CHRNA2: variants seen among roughly 807,000 people sequenced by gnomAD.
The protein encoded by CHRNA2 is cholinergic receptor nicotinic alpha 2 subunit.
A neutral mutation model predicts 45.5 loss-of-function variants in CHRNA2; 40 were observed. The ratio of observed to expected loss-of-function variants is 0.88; its 90% CI spans 0.68 to 1.15. CHRNA2 has a LOEUF of 1.15. CHRNA2 is among the 50% of genes most tolerant of loss of function. The pLI, the probability that CHRNA2 is intolerant of heterozygous loss-of-function variation, is 0.00. For missense variants in CHRNA2, 655 were observed against 701.7 expected, an observed-to-expected ratio of 0.93 and a Z score of 0.75; for synonymous variants, 301 against 296.7, an observed-to-expected ratio of 1.01 and a Z score of -0.15.
intron 4 of CHRNA2, among the ~76,000 whole-genome samples, chr8:27,468,728 C>T (rs187861843): frequency 5.8e-4 from 88 of 152,330 alleles, no homozygotes; most frequent in Admixed American, 1.8e-3. Flanking sequence ...CTGTCTCAGA[C>T]CCTCCAGACC....
chr8:27,461,505 A>G lies in CHRNA2; in HGVS notation c.*124T>C. On this transcript the variant is annotated 3_prime_UTR_variant, in exon 7 of 7. Transcript: ENST00000407991. Reference sequence around the variant, plus strand: ...GATGGAAGCCTGCAATCCCTGGGTCAGTGTCCAGACTCCGCGGAGAGGCAC... The same window carrying G: ...GATGGAAGCCTGCAATCCCTGGGTCGGTGTCCAGACTCCGCGGAGAGGCAC... 7.5e-7 allele frequency: 1 copy of G among 1,330,458 alleles called. No individual in the cohort carries two copies. The highest frequency in any genetic ancestry group is 1.1e-6 in the Non-Finnish European group (1 of 948,668). The allele number at this position is 1,330,458 out of a possible 1,614,324, so 82.4% of individuals were successfully genotyped here. A position where few individuals can be genotyped will look rare whatever the true frequency, so the allele number is the denominator to read the frequency against.
At position 27,463,472 on chromosome 8, in the gene CHRNA2, A is replaced by T. The variant is rs1391683489; in HGVS notation, c.971T>A (p.Val324Asp). The change falls in exon 6 of 7, where the codon GTC becomes GAC. Residue 324 changes from valine to aspartate, a missense_variant. By Grantham distance (152) the Val-to-Asp change is radical (BLOSUM62 -3). This residue lies in a region of CHRNA2 where 295 missense variants were observed against 280.4 expected (regional missense o/e 1.05). Transcript: ENST00000407991. The surrounding 1 kb of genome is among the most constrained non-coding windows in gnomAD (Gnocchi z 6.1). ...ITEIIPSTSL[V>D]IPLIGEYLLF... The stretch of plus-strand genomic sequence containing the variant: ...CAGGTACTCGCCGATGAGCGGGATG[A>T]CCAGCGAGGTGGACGGGATGATCTC... The T allele has an allele frequency of 1.1e-5, 17 of 1,614,076 alleles. No homozygotes were observed. Among genetic ancestry groups the T allele is most frequent in the Non-Finnish European group, 1.4e-5 (17 of 1,180,048 alleles).
rs745346653 is a variant in CHRNA2, at chr8:27,463,301, T to C, written c.1142A>G (p.Asn381Ser). 1 of 1,610,316 alleles carries C rather than the reference T, an allele frequency of 6.2e-7. No individual in the cohort carries two copies. The change falls in exon 6 of 7, where the codon AAC (asparagine) becomes AGC (serine). Residue 381 changes from asparagine to serine, a missense_variant. By Grantham distance (46) the Asn-to-Ser change is conservative. Around this residue, in one of 3 missense-constraint regions of CHRNA2, gnomAD observed 295 missense variants for 280.4 expected, o/e 1.05. Transcript: ENST00000407991. This position sits in a 1 kb window ranked among gnomAD's most constrained non-coding sequence, Gnocchi z 6.1. ...LGCVPRWLLMNRPPPPVELCH... is the reference protein window; with the variant it reads ...LGCVPRWLLMSRPPPPVELCH... Reference sequence around the variant, plus strand: ...GAGCTCCACGGGTGGTGGGGGCCGGTTCATCAGAAGCCACCGGGGCACACA... The same window carrying C: ...GAGCTCCACGGGTGGTGGGGGCCGGCTCATCAGAAGCCACCGGGGCACACA...
At chr8:27,462,693 G>A (rs972518429) in intron 6 of CHRNA2, among the ~76,000 whole-genome samples, 2 of 152,242 alleles carry the variant, frequency 1.3e-5, no homozygotes, top group African/African-American at 4.8e-5. Flanking sequence ...GAGGCACGGG[G>A]TTCAGCATCT....
rs769608818 is a variant in CHRNA2, at chr8:27,463,453, C to T, written c.990G>A (p.Glu330=). The change falls in exon 6 of 7, where the codon GAG becomes GAA. Residue 330 remains glutamate (E), a synonymous_variant. Transcript: ENST00000407991. This position sits in a 1 kb window ranked among gnomAD's most constrained non-coding sequence, Gnocchi z 6.1. ...STSLVIPLIG[E]YLLFTMIFVT... The stretch of plus-strand genomic sequence containing the variant: ...CGAAGATCATGGTGAACAGCAGGTA[C>T]TCGCCGATGAGCGGGATGACCAGCG... 7.4e-6 allele frequency: 12 copies of T among 1,614,076 alleles called. No individual in the cohort carries two copies. The African/African-American group carries it at 8.0e-5, about 11-fold the overall frequency.
At chr8:27,468,624 C>T (rs1464193426) in intron 4 of CHRNA2, among the ~76,000 whole-genome samples, 1 of 152,170 alleles carries the variant, frequency 6.6e-6, no homozygotes, top group South Asian at 2.1e-4. Flanking sequence ...CTGAAGGGGG[C>T]GAAGGGCCCA....
chr8:27,467,178 C>T, intron 5 of CHRNA2, 51 bp downstream of exon 5: 1 of 1,434,134 alleles, frequency 7.0e-7, no homozygotes, highest in Non-Finnish European at 9.8e-7. Flanking sequence ...TGGACCCGGC[C>T]CCTGCAAGTT....
chr8:27,474,488 G>A (rs1222766357), intron 1 of CHRNA2, among the ~76,000 whole-genome samples: 2 of 152,110 alleles, frequency 1.3e-5, no homozygotes, highest in Non-Finnish European at 2.9e-5. Flanking sequence ...AGAGGTTCCC[G>A]GTTCCTTCCT....
In CHRNA2 at chr8:27,462,993, C is replaced by A. The variant is rs751862621; in HGVS notation, c.1450G>T (p.Asp484Tyr). 1 of 1,614,080 alleles carries A rather than the reference C, an allele frequency of 6.2e-7. No individual in the cohort carries two copies. The highest frequency in any genetic ancestry group is 1.1e-5 in the South Asian group (1 of 91,090). The change falls in exon 6 of 7, where the codon GAT becomes TAT. Residue 484 changes from aspartate to tyrosine, a missense_variant. Around this residue, in one of 3 missense-constraint regions of CHRNA2, gnomAD observed 295 missense variants for 280.4 expected, o/e 1.05. Transcript: ENST00000407991. ...CCCCAACGCACCGAAGAGTCAGCAT[C>A]CTCAGACCGCAGGTGGTCGGCAATG... ...HYIADHLRSEDADSSVKEDWK... is the reference protein window; with the variant it reads ...HYIADHLRSEYADSSVKEDWK...
chr8:27,462,936 G>T, intron 6 of CHRNA2, 43 bp downstream of exon 6: 1 of 1,613,016 alleles, frequency 6.2e-7, no homozygotes, highest in Non-Finnish European at 8.5e-7. Context: ...CCGCTAAGTT[G>T]GTGGGGCCAC....
In CHRNA2 at chr8:27,464,756, G is replaced by C. The variant is rs1277949084; in HGVS notation, c.450-763C>G. On this transcript the variant is annotated intron_variant, in intron 5 of 6. Transcript: ENST00000407991. Reference sequence around the variant, plus strand: ...GAAGAGACCTAACACCTTTGCGGGTGAAGATACTACCTTGAATGTATCCAT... The same window carrying C: ...GAAGAGACCTAACACCTTTGCGGGTCAAGATACTACCTTGAATGTATCCAT... Among the ~76,000 whole-genome samples the C allele has an allele frequency of 2.6e-5, 4 of 152,334 alleles. No individual in the cohort carries two copies. In the East Asian group the frequency reaches 7.7e-4, roughly 29 times the overall value.
chr8:27,473,185 G>A (rs551545603), intron 1 of CHRNA2, among the ~76,000 whole-genome samples: 11 of 151,978 alleles, frequency 7.2e-5, no homozygotes, highest in Admixed American at 3.3e-4. Flanking sequence ...CTCATGTTCC[G>A]GGACACATCG....
At chr8:27,467,502 C>T (rs1812736723) in intron 4 of CHRNA2, 164 bp from the exon 5 acceptor site, 6 of 610,880 alleles carry the variant, frequency 9.8e-6, no homozygotes, top group African/African-American at 1.8e-5. Context: ...GTGCTGGGAA[C>T]GGGCTCTGAG....
At chr8:27,475,973 ACCCAGGG>A (rs1222792143) in intron 1 of CHRNA2, among the ~76,000 whole-genome samples, 1 of 152,172 alleles carries the variant, frequency 6.6e-6, no homozygotes, top group Non-Finnish European at 1.5e-5. Flanking sequence ...TGCAAAAGGT[ACCCAGGG>A]CAGGAGGAGG....
chr8:27,462,708 T>G (rs2132649170), intron 6 of CHRNA2, among the ~76,000 whole-genome samples: 1 of 152,260 alleles, frequency 6.6e-6, no homozygotes, highest in South Asian at 2.1e-4. Flanking sequence ...GCATCTGGGA[T>G]CCTCCCTCTC....
chr8:27,463,356 G>A lies in CHRNA2; in HGVS notation c.1087C>T (p.Pro363Ser). ...HHRSPSTHTMPHWVRGALLGC... is the reference protein window; with the variant it reads ...HHRSPSTHTMSHWVRGALLGC... The stretch of plus-strand genomic sequence containing the variant: ...AGAAGGGCCCCCCGCACCCAGTGGG[G>A]CATGGTGTGGGTGCTGGGGGAGCGG... The change falls in exon 6 of 7, where the codon CCC (proline) becomes TCC (serine). Residue 363 changes from proline to serine, a missense_variant. Physicochemically the swap from Pro to Ser is moderately conservative, Grantham distance 74 (BLOSUM62 -1). Transcript: ENST00000407991. The surrounding 1 kb of genome is among the most constrained non-coding windows in gnomAD (Gnocchi z 6.1). 6.2e-7 allele frequency: 1 copy of A among 1,614,042 alleles called. No homozygotes were observed. Among genetic ancestry groups the A allele is most frequent in the Non-Finnish European group, 8.5e-7 (1 of 1,180,036 alleles).
chr8:27,461,688 C>T lies in CHRNA2; in HGVS notation c.1531G>A (p.Val511Ile), dbSNP rs796052306. The T allele has an allele frequency of 7.4e-6, 12 of 1,614,218 alleles. No individual in the cohort carries two copies. Among genetic ancestry groups the T allele is most frequent in the East Asian group, 4.5e-5 (2 of 44,886 alleles). ...AGGCCGATGGTCCCCAGGAAGCAGACGATGATAAACAGCCAGAGGAAGATC... is the reference window on the plus strand; with the variant it reads ...AGGCCGATGGTCCCCAGGAAGCAGATGATGATAAACAGCCAGAGGAAGATC... ...DRIFLWLFII[V>I]CFLGTIGLFL... The change falls in exon 7 of 7, where the codon GTC becomes ATC. Residue 511 changes from valine to isoleucine, a missense_variant. By Grantham distance (29) the Val-to-Ile change is conservative (BLOSUM62 3). Transcript: ENST00000407991.
chr8:27,474,056 G>A (rs2132677344), intron 1 of CHRNA2, among the ~76,000 whole-genome samples: 1 of 152,304 alleles, frequency 6.6e-6, no homozygotes, highest in Admixed American at 6.5e-5. Context: ...TGGGAGGAGT[G>A]ACGGGAGCAA....
At position 27,473,986 on chromosome 8, in the gene CHRNA2, A is replaced by C. The variant is rs1440832869; in HGVS notation, c.-136-2792T>G. ...CCACTGGCTGGTGATGATCTGTGAA[A>C]GGTCACTCAATCCCCCTGGGATTTT... On this transcript the variant is annotated intron_variant, in intron 1 of 6. Transcript: ENST00000407991. 3.9e-5 allele frequency among the ~76,000 whole-genome samples: 6 copies of C among 152,304 alleles called. No homozygotes were observed. In the East Asian group the frequency reaches 1.2e-3, roughly 29 times the overall value.
Sources: allele counts gnomAD v4.1 joint callset (sites outside exome capture counted in the v4.1 genomes callset), GRCh38; gene constraint gnomAD v4.1.1; regional missense constraint gnomAD v4.1.1; non-coding constraint Gnocchi (gnomAD v3.1); transcripts MANE v1.5; gene names NCBI Gene and HGNC (gene_info 2026-07-23, HGNC 2026-07-21).